The following LIG1 variants were observed in gnomAD, a reference collection of about 807,000 sequenced individuals.
LIG1 encodes ligase I, DNA, ATP-dependent.
In LIG1, 70 loss-of-function variants were observed where a neutral mutation model predicts 115.7. The ratio of observed to expected loss-of-function variants is 0.60; its 90% CI spans 0.50 to 0.74. The LOEUF (loss-of-function observed/expected upper bound fraction) is 0.74, where lower values mean the gene tolerates loss of function less well. Among genes scored for constraint, LIG1 ranks in the 30% least tolerant of loss-of-function variants. The pLI is 0.00. For synonymous variants in LIG1, 487 were observed against 495.3 expected (o/e 0.98, Z 0.22); for missense variants, 1,115 against 1,225.6 (o/e 0.91, Z 1.35).
Position 48,136,126 on chromosome 19 carries a change from C to G in LIG1, c.1332-1G>C. The G allele has an allele frequency of 6.4e-7, 1 of 1,564,086 alleles. No individual in the cohort carries two copies. The highest frequency in any genetic ancestry group is 8.7e-7 in the Non-Finnish European group (1 of 1,154,482). On this transcript the variant is annotated splice_acceptor_variant, in intron 14 of 27. Transcript: ENST00000263274. LOFTEE classifies it high-confidence loss of function. ...AAGGCGCAGCCGTCCGCTCAGGGAC[C>G]TGGGGAGAGAGCAGGCCAGGGAAGG...
At chr19:48,131,019 C>G (rs2033984491) in intron 19 of LIG1, 57 bp downstream of exon 19, 1 of 1,400,716 alleles carries the variant, frequency 7.1e-7, no homozygotes, top group African/African-American at 1.4e-5. Flanking sequence ...GGGCCTCAGG[C>G]CTTTGCACCC....
intron 4 of LIG1, among the ~76,000 whole-genome samples, chr19:48,157,869 T>C (rs2035949148): frequency 6.6e-6 from 1 of 152,182 alleles, no homozygotes; most frequent in African/African-American, 2.4e-5. Context: ...GTTTAGATGT[T>C]TGTTCCCTCC....
At chr19:48,127,433 T>C (rs970011060) in intron 20 of LIG1, 85 bp from the exon 21 acceptor site, 6 of 1,218,380 alleles carry the variant, frequency 4.9e-6, no homozygotes, top group Non-Finnish European at 6.9e-6. Context: ...CATCTACCGG[T>C]CTCCCTCTCG....
At position 48,151,274 on chromosome 19, in the gene LIG1, C is replaced by T. The variant is rs760974318; in HGVS notation, c.532G>A (p.Gly178Arg). 6 of 1,613,520 alleles carry T rather than the reference C, an allele frequency of 3.7e-6. No homozygotes were observed. The highest frequency in any genetic ancestry group is 3.3e-5 in the Admixed American group (2 of 59,954). Residue 178 changes from glycine to arginine, a missense_variant, in exon 7 of 28, where the codon GGG becomes AGG. Coordinates refer to ENST00000263274, the MANE Select transcript of LIG1 (RefSeq NM_000234.3). Reference sequence around the variant, plus strand: ...TTGGGAGGCGTGGTGGGCTGGTCCCCGTCTTCTCCTTCCTTCTCTGTGGCC... The same window carrying T: ...TTGGGAGGCGTGGTGGGCTGGTCCCTGTCTTCTCCTTCCTTCTCTGTGGCC... ...EVATEKEGED[G>R]DQPTTPPKPL...
intron 15 of LIG1, 33 bp from the exon 16 acceptor site, chr19:48,135,812 C>T: frequency 1.9e-6 from 3 of 1,569,262 alleles, no homozygotes; most frequent in Non-Finnish European, 2.6e-6. Flanking sequence ...CTTTGGAAGG[C>T]ACCCACATCC....
Position 48,137,110 on chromosome 19 carries a change from A to T in LIG1, c.1255-26T>A. On this transcript the variant is annotated intron_variant, in intron 13 of 27. Transcript: ENST00000263274. The surrounding 1 kb of genome is among the most constrained non-coding windows in gnomAD (Gnocchi z 4.3). ...CTGGAGAGTCAGGGGAAGAGCCGTC[A>T]GTGCCTGGTGAAGGCAGGGACCACA... 6.3e-7 allele frequency: 1 copy of T among 1,589,030 alleles called. No individual in the cohort carries two copies. Among genetic ancestry groups the T allele is most frequent in the Non-Finnish European group, 8.6e-7 (1 of 1,159,978 alleles).
intron 14 of LIG1, among the ~76,000 whole-genome samples, chr19:48,136,343 TG>T (rs1018033153): frequency 2.8e-4 from 43 of 152,262 alleles, no homozygotes; most frequent in African/African-American, 9.9e-4. Flanking sequence ...TAGCATAGAC[TG>T]GGGAGGGGCA....
chr19:48,136,522 T>C (rs1049331424), intron 14 of LIG1, among the ~76,000 whole-genome samples: 3 of 152,186 alleles, frequency 2.0e-5, no homozygotes, highest in African/African-American at 7.2e-5. Context: ...ACAAGTGGCT[T>C]AGTTTGCCTC....
rs377217864 is a variant in LIG1 at position 48,151,393 on chromosome 19, G to A, written c.467-54C>T. On this transcript the variant is annotated intron_variant, in intron 6 of 27. Transcript: ENST00000263274. Reference sequence around the variant, plus strand: ...AAAAAAATCCCATTGAACCTACAAGGGCATTTTGACTCTGGAGACAGTCTG... The same window carrying A: ...AAAAAAATCCCATTGAACCTACAAGAGCATTTTGACTCTGGAGACAGTCTG... The A allele has an allele frequency of 9.9e-5, 111 of 1,125,654 alleles. No individual in the cohort carries two copies. The East Asian group carries it at 2.5e-3, about 25-fold the overall frequency. 69.7% of individuals were successfully genotyped at this position (1,125,654 alleles called of 1,614,324 possible).
intron 19 of LIG1, 77 bp downstream of exon 19, chr19:48,130,999 T>G (rs965099152): frequency 8.5e-7 from 1 of 1,172,546 alleles, no homozygotes; most frequent in African/African-American, 1.5e-5. Flanking sequence ...TGTGCCACAC[T>G]GGCCTAGATG....
Position 48,155,350 on chromosome 19 carries a change from C to T in LIG1, c.371-1383G>A, listed in dbSNP as rs3730882. On this transcript the variant is annotated intron_variant, in intron 5 of 27. Coordinates refer to ENST00000263274, the MANE Select transcript of LIG1 (RefSeq NM_000234.3). The stretch of plus-strand genomic sequence containing the variant: ...CTCTCCCTGCTTCCCAGGTCGCATC[C>T]GATTCTCCAGAAACAAGGAAGTAGA... Among the ~76,000 whole-genome samples, 1,247 of 152,280 alleles carry T rather than the reference C, an allele frequency of 8.2e-3. 13 individuals are homozygous for T. The highest frequency in any genetic ancestry group is 0.028 in the African/African-American group (1,182 of 41,558).
In LIG1 at chr19:48,117,719, G is replaced by A. The variant is rs922671608; in HGVS notation, c.2502C>T (p.His834=). 6.2e-7 allele frequency: 1 copy of A among 1,613,010 alleles called. No individual in the cohort carries two copies. Among genetic ancestry groups the A allele is most frequent in the African/African-American group, 1.3e-5 (1 of 74,948 alleles). Residue 834 remains histidine (H), a synonymous_variant, in exon 26 of 28, where the codon CAC becomes CAT. Coordinates refer to ENST00000263274, the MANE Select transcript of LIG1 (RefSeq NM_000234.3). ...VRIDGAVIPD[H]WLDPSAVWEV... ...CCCACACAGCGCTGGGGTCCAGCCA[G>A]TGGTCGGGAATCACAGCGCCATCTA...
chr19:48,157,366 A>G (rs534103540), intron 4 of LIG1, among the ~76,000 whole-genome samples: 1 of 152,168 alleles, frequency 6.6e-6, no homozygotes, highest in East Asian at 1.9e-4. Context: ...TGTTTTCTAC[A>G]GTAACAGAAT....
intron 6 of LIG1, among the ~76,000 whole-genome samples, chr19:48,152,781 A>C (rs1288301345): frequency 2.6e-5 from 4 of 152,248 alleles, no homozygotes; most frequent in African/African-American, 9.6e-5. Context: ...TATAAAAATC[A>C]AGTACTGTAC....
intron 14 of LIG1, 48 bp from the exon 15 acceptor site, chr19:48,136,173 A>G (rs1249419643): frequency 5.1e-6 from 7 of 1,383,182 alleles, no homozygotes; most frequent in African/African-American, 1.4e-5. Flanking sequence ...CACCTCCCCA[A>G]TCTTGCCTCC....
intron 23 of LIG1, among the ~76,000 whole-genome samples, chr19:48,121,631 G>A (rs532559123): frequency 7.1e-4 from 108 of 152,174 alleles, no homozygotes; most frequent in African/African-American, 2.0e-3. Context: ...GAGAAACCCC[G>A]TCTCTATTAA....
chr19:48,118,550 T>TTTTTC (rs1363740389), intron 25 of LIG1: 1 of 147,104 alleles, frequency 6.8e-6, no homozygotes, highest in East Asian at 2.0e-4. Context: ...TTTTTTTTTT[T>TTTTTC]TTTTTTGAGA....
At chr19:48,149,712 G>T in intron 9 of LIG1, 51 bp downstream of exon 9, 1 of 1,458,240 alleles carries the variant, frequency 6.9e-7, no homozygotes, top group South Asian at 1.1e-5. Context: ...TCGGAATGCA[G>T]AGAAGGGAAC....
chr19:48,150,420 A>G (rs555149436), intron 7 of LIG1, among the ~76,000 whole-genome samples: 3 of 152,260 alleles, frequency 2.0e-5, no homozygotes, highest in Non-Finnish European at 4.4e-5. Flanking sequence ...TTGGCCTGAA[A>G]TAGGAGACTT....
Sources: gnomAD v4.1 joint callset for allele counts (sites outside exome capture counted in the v4.1 genomes callset) on GRCh38, gnomAD v4.1.1 for gene constraint, Gnocchi (gnomAD v3.1) non-coding constraint, MANE v1.5 for transcripts, NCBI Gene and HGNC (gene_info 2026-07-23, HGNC 2026-07-21) for gene names.